The following TTC7B variants were observed in gnomAD, a reference collection of about 807,000 sequenced individuals.
The protein encoded by TTC7B is tetratricopeptide repeat domain 7B.
TTC7B carries 28 observed loss-of-function variants against 106.8 expected under a neutral mutation model. That is an observed-to-expected ratio of 0.26 (90% confidence interval 0.19 to 0.36). The LOEUF (loss-of-function observed/expected upper bound fraction) is 0.36. Ranked by LOEUF, TTC7B falls within the 10% of genes least tolerant of loss-of-function variation. The pLI is 1.00. For synonymous variants in TTC7B, 405 were observed against 430.6 expected (o/e 0.94, Z 0.74); for missense variants, 862 against 1,076.4 (o/e 0.80, Z 2.79).
intron 4 of TTC7B, among the ~76,000 whole-genome samples, chr14:90,736,893 TAAAA>T (rs58051350): frequency 1.1e-5 from 1 of 91,922 alleles, no homozygotes; most frequent in African/African-American, 4.6e-5. Flanking sequence ...CCATGTCTCT[TAAAA>T]AAAAAAAAAA....
At chr14:90,557,169 G>A (rs1421709980) in intron 19 of TTC7B, among the ~76,000 whole-genome samples, 3 of 152,166 alleles carry the variant, frequency 2.0e-5, no homozygotes, top group Non-Finnish European at 2.9e-5. Context: ...GGTGGGGCGG[G>A]GCTCATCCCT....
chr14:90,784,285 C>T (rs528992381), intron 2 of TTC7B, among the ~76,000 whole-genome samples: 83 of 152,300 alleles, frequency 5.4e-4, no homozygotes, highest in South Asian at 2.3e-3. Flanking sequence ...AGGCCGGGAG[C>T]GGTGGCTCAC....
At chr14:90,623,926 CAGA>C (rs1884321702) in intron 15 of TTC7B, among the ~76,000 whole-genome samples, 2 of 152,316 alleles carry the variant, frequency 1.3e-5, no homozygotes, top group African/African-American at 4.8e-5. Context: ...GAGGCTGAGG[CAGA>C]AGAATTGTTT....
chr14:90,814,755 C>T (rs1446953462), intron 1 of TTC7B, among the ~76,000 whole-genome samples: 1 of 152,122 alleles, frequency 6.6e-6, no homozygotes, highest in Non-Finnish European at 1.5e-5. Context: ...ACACGGAGGG[C>T]AAAGGCAAGC....
chr14:90,546,776 G>A (rs1441577653), intron 19 of TTC7B, among the ~76,000 whole-genome samples: 5 of 152,218 alleles, frequency 3.3e-5, no homozygotes, highest in Non-Finnish European at 7.3e-5. Context: ...GTGATTGCTT[G>A]GTGCTGGATA....
chr14:90,602,432 T>C (rs1892463278), intron 17 of TTC7B, among the ~76,000 whole-genome samples: 1 of 152,242 alleles, frequency 6.6e-6, no homozygotes, highest in South Asian at 2.1e-4. Context: ...CTGGGCGTGA[T>C]GGCTCACGCC....
rs111605674 is a variant in TTC7B at position 90,802,175 on chromosome 14, G to A, written c.121+14000C>T. ...ACGGGCCACATCAGAGGGCAGCCTC[G>A]ACGTGAGGCATCTCAGGGGACTGCG... On this transcript the variant is annotated intron_variant, in intron 1 of 19. Transcript: ENST00000328459. This position sits in a 1 kb window ranked among gnomAD's most constrained non-coding sequence, Gnocchi z 4.7. Among the ~76,000 whole-genome samples, 298 of 152,268 alleles carry A rather than the reference G, an allele frequency of 2.0e-3. No individual in the cohort carries two copies. Among genetic ancestry groups the A allele is most frequent in the African/African-American group, 6.1e-3 (254 of 41,544 alleles).
At chr14:90,788,289 GC>G (rs1891458687) in intron 1 of TTC7B, among the ~76,000 whole-genome samples, 1 of 152,148 alleles carries the variant, frequency 6.6e-6, no homozygotes, top group Non-Finnish European at 1.5e-5. Context: ...CCAGACACCA[GC>G]CAGGCACCAA....
intron 3 of TTC7B, among the ~76,000 whole-genome samples, chr14:90,779,061 G>C (rs1027700866): frequency 2.6e-5 from 4 of 152,210 alleles, no homozygotes; most frequent in African/African-American, 9.6e-5. Flanking sequence ...GCGCCACCCA[G>C]GGCCCTGGTC....
chr14:90,606,796 A>G (rs1892657959), intron 17 of TTC7B, among the ~76,000 whole-genome samples: 2 of 152,226 alleles, frequency 1.3e-5, no homozygotes, highest in South Asian at 4.1e-4. Flanking sequence ...AAGCTTATGG[A>G]CGTGGGTGAC....
chr14:90,617,901 C>A, intron 16 of TTC7B, 28 bp downstream of exon 16: 11 of 1,585,386 alleles, frequency 6.9e-6, no homozygotes, highest in Non-Finnish European at 9.5e-6. Context: ...GCAAAAGCCA[C>A]GCAAAGCAGG....
intron 5 of TTC7B, chr14:90,697,654 A>G (rs1887809400): frequency 6.6e-6 from 1 of 152,238 alleles, no homozygotes; most frequent in African/African-American, 2.4e-5. Flanking sequence ...GAAGAAGTCC[A>G]GTGAATGCGG....
At chr14:90,695,325 CATATATGTCACATATATTTATTATAA>C (rs1433192148) in intron 6 of TTC7B, among the ~76,000 whole-genome samples, 149 bp downstream of exon 6, 496 of 90,968 alleles carry the variant, frequency 5.5e-3, no homozygotes, top group African/African-American at 0.019. Flanking sequence ...ATTTATAACA[CATATATGTCACATATATTTATTATAA>C]ATATATGTAT....
At chr14:90,631,723 A>T (rs571271054) in intron 15 of TTC7B, among the ~76,000 whole-genome samples, 1 of 152,134 alleles carries the variant, frequency 6.6e-6, no homozygotes, top group East Asian at 1.9e-4. Flanking sequence ...GCACCATTTT[A>T]TATTCCCACT....
At chr14:90,785,941 G>A (rs1891371275) in intron 2 of TTC7B, among the ~76,000 whole-genome samples, 1 of 152,204 alleles carries the variant, frequency 6.6e-6, no homozygotes, top group Non-Finnish European at 1.5e-5. Flanking sequence ...TGCAGATGAC[G>A]TGTCATTGAA....
At chr14:90,603,971 A>C (rs1892535645) in intron 17 of TTC7B, among the ~76,000 whole-genome samples, 1 of 152,192 alleles carries the variant, frequency 6.6e-6, no homozygotes, top group African/African-American at 2.4e-5. Context: ...ACAACTGAGC[A>C]CTGCCCGGGA....
At chr14:90,697,825 C>G (rs78813839) in intron 5 of TTC7B, 6,138 of 152,372 alleles carry the variant, frequency 0.04, 175 homozygotes, top group Non-Finnish European at 0.061. Context: ...GAGGCAACAC[C>G]AGCCACTGGG....
At chr14:90,671,706 C>T (rs1314888991) in intron 9 of TTC7B, among the ~76,000 whole-genome samples, 1 of 152,206 alleles carries the variant, frequency 6.6e-6, no homozygotes, top group Non-Finnish European at 1.5e-5. Context: ...AAACATTGTG[C>T]TTCTATTTAA....
intron 19 of TTC7B, among the ~76,000 whole-genome samples, chr14:90,552,265 G>A (rs564774905): frequency 6.6e-6 from 1 of 152,244 alleles, no homozygotes; most frequent in Non-Finnish European, 1.5e-5. Context: ...TCAAGAGCAA[G>A]TTGAAGGACC....
Sources: allele counts gnomAD v4.1 joint callset (sites outside exome capture counted in the v4.1 genomes callset), GRCh38; gene constraint gnomAD v4.1.1; non-coding constraint Gnocchi (gnomAD v3.1); transcripts MANE v1.5; gene names NCBI Gene and HGNC (gene_info 2026-07-23, HGNC 2026-07-21).